The following ANO2 variants were observed in gnomAD, a reference collection of about 807,000 sequenced individuals.
ANO2 encodes anoctamin 2.
Under a neutral mutation model 124.2 loss-of-function variants are expected in ANO2, and 101 were observed. That is an observed-to-expected ratio of 0.81 (90% confidence interval 0.69 to 0.96). ANO2 has a LOEUF of 0.96. Among genes scored for constraint, ANO2 ranks in the 40% least tolerant of loss-of-function variants. The pLI is 0.00. For missense variants in ANO2, 1,293 were observed against 1,274.5 expected (o/e 1.01, Z -0.22); for synonymous variants, 486 against 482.5 (o/e 1.01, Z -0.09).
In ANO2 at chr12:5,921,209, GAGTGGCCAGGGAAGC is replaced by G; in HGVS notation, c.350_364del (p.Gly117_Ser122delinsAla). ...CTCCCCATTGGAGACGATAGCCAGC[GAGTGGCCAGGGAAGC>G]CTTGGGCCAGGTGCACCCCGCGTTT... On this transcript the variant is annotated inframe_deletion, in exon 3 of 25. Coordinates refer to ENST00000682330, the MANE Select transcript of ANO2 (RefSeq NM_001364791.2). 6.2e-7 allele frequency: 1 copy of G among 1,613,958 alleles called. No homozygotes were observed. Among genetic ancestry groups the G allele is most frequent in the Non-Finnish European group, 8.5e-7 (1 of 1,179,868 alleles).
intron 16 of ANO2, among the ~76,000 whole-genome samples, chr12:5,633,612 A>G (rs933338474): frequency 6.6e-6 from 1 of 151,924 alleles, no homozygotes; most frequent in East Asian, 1.9e-4. Flanking sequence ...CGTTCTGGTC[A>G]ACTCCGTCAG....
intron 3 of ANO2, chr12:5,870,421 G>C (rs1253713355): frequency 6.6e-6 from 1 of 152,196 alleles, no homozygotes. Flanking sequence ...TCACCCCAGG[G>C]CTCTGCCTTC....
intron 23 of ANO2, among the ~76,000 whole-genome samples, chr12:5,568,918 G>T (rs1398110361): frequency 1.3e-5 from 2 of 152,224 alleles, no homozygotes; most frequent in Non-Finnish European, 2.9e-5. Flanking sequence ...GAAGACGGAG[G>T]GTCAACGCCG....
rs542674949 is a variant in ANO2, at chr12:5,867,378, G to A, written c.535-13237C>T. ...AACTGTAGTCCTTAGAAATGGATGA[G>A]GTTTTTGACTGTCACAATGACAGGG... On this transcript the variant is annotated intron_variant, in intron 3 of 24. Coordinates refer to ENST00000682330, the MANE Select transcript of ANO2 (RefSeq NM_001364791.2). 2.2e-3 allele frequency among the ~76,000 whole-genome samples: 329 copies of A among 152,248 alleles called. 1 individual carries two copies. The highest frequency in any genetic ancestry group is 3.4e-3 in the Non-Finnish European group (232 of 68,016).
At chr12:5,733,051 G>A (rs771800059) in intron 13 of ANO2, 63 of 711,504 alleles carry the variant, frequency 8.9e-5, no homozygotes, top group Non-Finnish European at 1.3e-4. Context: ...CCAACTCCCA[G>A]CTGGAGAAAC....
intron 23 of ANO2, among the ~76,000 whole-genome samples, chr12:5,567,765 A>G (rs1053513859): frequency 1.3e-5 from 2 of 152,216 alleles, no homozygotes; most frequent in African/African-American, 2.4e-5. Context: ...TCAGTGTCTA[A>G]AACATGTTTT....
chr12:5,743,317 C>G lies in ANO2; in HGVS notation c.1351+840G>C, dbSNP rs147035596. On this transcript the variant is annotated intron_variant, in intron 12 of 24. Coordinates refer to ENST00000682330, the MANE Select transcript of ANO2 (RefSeq NM_001364791.2). ...ATCCAATGTGCAAACCAAGGGCCTG[C>G]ACATTCGGTGATGAGTAAAGGAGCA... Among the ~76,000 whole-genome samples the G allele has an allele frequency of 1.3e-3, 193 of 152,304 alleles. 1 individual carries two copies. Among genetic ancestry groups the G allele is most frequent in the African/African-American group, 4.3e-3 (180 of 41,562 alleles).
chr12:5,851,146 A>G (rs1306042893), intron 4 of ANO2, among the ~76,000 whole-genome samples: 1 of 152,114 alleles, frequency 6.6e-6, no homozygotes, highest in Admixed American at 6.5e-5. Flanking sequence ...CTATGTTCTC[A>G]CCCTCGCCAA....
chr12:5,640,615 C>T (rs1441877662), intron 15 of ANO2, among the ~76,000 whole-genome samples: 2 of 152,146 alleles, frequency 1.3e-5, no homozygotes, highest in Non-Finnish European at 2.9e-5. Flanking sequence ...CCAACAGACA[C>T]ATGAAAAAAT....
intron 1 of ANO2, among the ~76,000 whole-genome samples, chr12:5,930,502 T>C (rs552849081): frequency 2.0e-5 from 3 of 152,316 alleles, no homozygotes; most frequent in Non-Finnish European, 4.4e-5. Context: ...ATATGACAAT[T>C]TGGTCTTCAT....
At chr12:5,720,475 T>C (rs1950183798) in intron 14 of ANO2, among the ~76,000 whole-genome samples, 1 of 152,158 alleles carries the variant, frequency 6.6e-6, no homozygotes, top group Admixed American at 6.5e-5. Context: ...ACAAATTTAA[T>C]TTACGTGCTT....
intron 3 of ANO2, among the ~76,000 whole-genome samples, chr12:5,887,595 A>G (rs1400939715): frequency 6.6e-6 from 1 of 152,228 alleles, no homozygotes; most frequent in Non-Finnish European, 1.5e-5. Context: ...TCATTTTCTC[A>G]GTCATCCAAC....
At chr12:5,839,013 C>A (rs887728972) in intron 4 of ANO2, among the ~76,000 whole-genome samples, 1 of 152,212 alleles carries the variant, frequency 6.6e-6, no homozygotes, top group Non-Finnish European at 1.5e-5. Flanking sequence ...TACTCTCCTG[C>A]CTAAAACAAC....
chr12:5,663,475 C>T (rs1947545589), intron 14 of ANO2, among the ~76,000 whole-genome samples: 1 of 152,140 alleles, frequency 6.6e-6, no homozygotes, highest in African/African-American at 2.4e-5. Context: ...GCAGTATGTG[C>T]AGGTCTTAGC....
intron 14 of ANO2, among the ~76,000 whole-genome samples, chr12:5,684,433 T>G (rs1209620801): frequency 1.3e-5 from 2 of 152,142 alleles, no homozygotes; most frequent in Admixed American, 6.5e-5. Flanking sequence ...AAGAAGTCAG[T>G]GCATGGACCT....
intron 10 of ANO2, among the ~76,000 whole-genome samples, chr12:5,764,220 G>A (rs1445944478): frequency 6.6e-6 from 1 of 152,106 alleles, no homozygotes. Flanking sequence ...TGGTCAAATC[G>A]ACTTGTCCAA....
At chr12:5,914,327 C>T (rs993080759) in intron 3 of ANO2, among the ~76,000 whole-genome samples, 1 of 152,192 alleles carries the variant, frequency 6.6e-6, no homozygotes. Context: ...CTCAGTGCTG[C>T]AATTCAGGTT....
chr12:5,614,678 A>G (rs1479595350), intron 17 of ANO2, among the ~76,000 whole-genome samples: 1 of 152,194 alleles, frequency 6.6e-6, no homozygotes, highest in Non-Finnish European at 1.5e-5. Flanking sequence ...ATTCTAGTGA[A>G]TTATTGAATC....
At chr12:5,586,211 G>A (rs535161452) in intron 20 of ANO2, among the ~76,000 whole-genome samples, 32 of 152,294 alleles carry the variant, frequency 2.1e-4, no homozygotes, top group Admixed American at 1.5e-3. Context: ...TCTTAAAGGC[G>A]TGGGGATGCA....
Sources: gnomAD v4.1 joint callset for allele counts (sites outside exome capture counted in the v4.1 genomes callset) on GRCh38, gnomAD v4.1.1 for gene constraint, MANE v1.5 for transcripts, NCBI Gene and HGNC (gene_info 2026-07-23, HGNC 2026-07-21) for gene names.